Variants in TRDMT1 observed in about 807,000 individuals in gnomAD.
TRDMT1 encodes the protein tRNA aspartic acid methyltransferase 1.
In TRDMT1, 49 loss-of-function variants were observed where a neutral mutation model predicts 51.2. The ratio of observed to expected loss-of-function variants is 0.96; its 90% CI spans 0.76 to 1.21. The LOEUF is 1.21. TRDMT1 is among the 50% of genes most tolerant of loss of function. The pLI is 0.00. For missense variants in TRDMT1, 534 were observed against 462.3 expected (o/e 1.16, Z -1.42); for synonymous variants, 187 against 164.6 (o/e 1.14, Z -1.04).
Position 17,145,971 on chromosome 10 carries a change from G to C in TRDMT1, c.*3069C>G, listed in dbSNP as rs1588686392. On this transcript the variant is annotated 3_prime_UTR_variant, in exon 11 of 11. Transcript: ENST00000377799. Reference sequence around the variant, plus strand: ...CTAGACCTCAACTAGGTTGAGATGGGAGCAAAAACCCAGATGGTGATTTCT... The same window carrying C: ...CTAGACCTCAACTAGGTTGAGATGGCAGCAAAAACCCAGATGGTGATTTCT... The C allele has an allele frequency of 1.0e-6, 1 of 985,354 alleles. No individual in the cohort carries two copies. Among genetic ancestry groups the C allele is most frequent in the Non-Finnish European group, 1.2e-6 (1 of 829,936 alleles). 61.0% of individuals were successfully genotyped at this position (985,354 alleles called of 1,614,324 possible).
chr10:17,184,465 T>G (rs535438091), intron 1 of TRDMT1, among the ~76,000 whole-genome samples: 6 of 151,498 alleles, frequency 4.0e-5, no homozygotes, highest in Non-Finnish European at 7.4e-5. Context: ...AATAATTAAC[T>G]CACAAAGATC....
intron 2 of TRDMT1, among the ~76,000 whole-genome samples, chr10:17,171,111 A>ATATG (rs1841924026): frequency 7.0e-6 from 1 of 142,824 alleles, no homozygotes; most frequent in South Asian, 2.2e-4. Flanking sequence ...CTGGATTTAG[A>ATATG]TGTGTGTGTG....
chr10:17,140,250 G>A lies in TRDMT1; in HGVS notation c.*8790C>T, dbSNP rs912274495. ...TTTTTTGTACCTTTAGTAGAGATAG[G>A]GTTTTATCATGGCCAGGCTGGTCTT... On this transcript the variant is annotated 3_prime_UTR_variant, in exon 11 of 11. Transcript: ENST00000377799. 1.7e-4 allele frequency among the ~76,000 whole-genome samples: 25 copies of A among 148,836 alleles called. No homozygotes were observed. The highest frequency in any genetic ancestry group is 3.1e-4 in the Non-Finnish European group (21 of 67,296).
At chr10:17,153,728 C>G in intron 9 of TRDMT1, 92 bp from the exon 10 acceptor site, 3 of 1,346,318 alleles carry the variant, frequency 2.2e-6, no homozygotes, top group South Asian at 1.5e-5. Context: ...GATGGACATA[C>G]AGTCTGCTGT....
Position 17,159,215 on chromosome 10 carries a change from AT to A in TRDMT1, c.473del (p.Asn158IlefsTer26). On this transcript the variant is annotated frameshift_variant, in exon 7 of 11. Coordinates refer to ENST00000377799, the MANE Select transcript of TRDMT1 (RefSeq NM_004412.7). LOFTEE classifies it high-confidence loss of function. Reference sequence around the variant, plus strand: ...CAATAAGAAAATATCGTAGCCTTGAATTTGGAATGCCAAGCTGTAAGCAAAG... The same window carrying A: ...CAATAAGAAAATATCGTAGCCTTGAATTGGAATGCCAAGCTGTAAGCAAAG... ...LLSPTSLGIP[N>X]SRLRYFLIAK... is the part of the protein sequence containing the mutation. 6.2e-7 allele frequency: 1 copy of A among 1,602,278 alleles called. No individual in the cohort carries two copies. The highest frequency in any genetic ancestry group is 1.1e-5 in the South Asian group (1 of 89,290).
In TRDMT1 at chr10:17,145,272, C is replaced by CAAAAA. The variant is rs1307592170; in HGVS notation, c.*3767_*3768insTTTTT. On this transcript the variant is annotated 3_prime_UTR_variant, in exon 11 of 11. Transcript: ENST00000377799. Reference sequence around the variant, plus strand: ...AAAAACAAAACAAAACAAAACAAAACAAAACAAAAAAAACAGCAAAGGGAA... The same window carrying CAAAAA: ...AAAAACAAAACAAAACAAAACAAAACAAAAAAAAACAAAAAAAACAGCAAAGGGAA... The CAAAAA allele has an allele frequency of 2.1e-6, 2 of 951,436 alleles. No homozygotes were observed. Among genetic ancestry groups the CAAAAA allele is most frequent in the South Asian group, 5.1e-5 (1 of 19,504 alleles). 58.9% of individuals were successfully genotyped at this position (951,436 alleles called of 1,614,324 possible). A position where few individuals can be genotyped will look rare whatever the true frequency, so the allele number is the denominator to read the frequency against.
At position 17,157,512 on chromosome 10, in the gene TRDMT1, T is replaced by C. The variant is rs1208409460; in HGVS notation, c.816A>G (p.Ser272=). The C allele has an allele frequency of 1.2e-6, 2 of 1,614,024 alleles. No individual in the cohort carries two copies. The highest frequency in any genetic ancestry group is 1.3e-5 in the African/African-American group (1 of 75,040). Residue 272 remains serine (S), a synonymous_variant, in exon 8 of 11, where the codon TCA becomes TCG. Coordinates refer to ENST00000377799, the MANE Select transcript of TRDMT1 (RefSeq NM_004412.7). ...CTAACAGAAGAGCATATCGCAGCAA[T>C]GACTTTGGTGGTAAAAGATACTGGT... is the stretch of plus-strand genomic sequence containing the variant. ...DVNQYLLPPK[S]LLRYALLLDI...
chr10:17,201,598 C>T lies in TRDMT1; in HGVS notation c.37G>A (p.Val13Met), dbSNP rs935781185. Residue 13 changes from valine (V) to methionine (M), a missense_variant, in exon 1 of 11, where the codon GTG becomes ATG. Coordinates refer to ENST00000377799, the MANE Select transcript of TRDMT1 (RefSeq NM_004412.7). The part of the protein sequence containing the change: ...PLRVLELYSG[V>M]GGMHHALRES... ...CTCAGCGCGTGGTGCATGCCGCCCACGCCGCTGTATAGCTCCAGCACCCGC... is the reference window on the plus strand; with the variant it reads ...CTCAGCGCGTGGTGCATGCCGCCCATGCCGCTGTATAGCTCCAGCACCCGC... The T allele has an allele frequency of 3.2e-6, 5 of 1,548,984 alleles. No individual in the cohort carries two copies. Among genetic ancestry groups the T allele is most frequent in the Non-Finnish European group, 4.4e-6 (5 of 1,146,028 alleles).
chr10:17,152,564 G>A (rs1007300684), intron 10 of TRDMT1, among the ~76,000 whole-genome samples: 4 of 152,158 alleles, frequency 2.6e-5, no homozygotes, highest in Non-Finnish European at 1.5e-5. Context: ...GTCCTCAAAA[G>A]CACATTTCCT....
chr10:17,156,323 C>T (rs1839499660), intron 8 of TRDMT1, among the ~76,000 whole-genome samples: 1 of 151,880 alleles, frequency 6.6e-6, no homozygotes, highest in Non-Finnish European at 1.5e-5. Flanking sequence ...CAACCTCTGC[C>T]CCCCAGATTC....
chr10:17,188,031 T>A (rs181779169), intron 1 of TRDMT1, among the ~76,000 whole-genome samples: 2 of 151,408 alleles, frequency 1.3e-5, no homozygotes, highest in African/African-American at 4.8e-5. Flanking sequence ...AAAATTAAGT[T>A]CTACATTAGT....
rs140859120 is a variant in TRDMT1, at chr10:17,138,810, A to T, written c.*10230T>A. Among the ~76,000 whole-genome samples the T allele has an allele frequency of 2.6e-3, 394 of 152,254 alleles. 1 individual carries two copies. The highest frequency in any genetic ancestry group is 4.1e-3 in the Non-Finnish European group (279 of 68,012). The stretch of plus-strand genomic sequence containing the variant: ...CCTTCATAAACAATGAGAAAAAAAT[A>T]ACGAAATTCAAATCCAGAGGGACAA... On this transcript the variant is annotated 3_prime_UTR_variant, in exon 11 of 11. Transcript: ENST00000377799.
intron 3 of TRDMT1, among the ~76,000 whole-genome samples, chr10:17,164,481 T>C (rs991603042): frequency 7.2e-5 from 11 of 152,104 alleles, no homozygotes; most frequent in Non-Finnish European, 1.2e-4. Context: ...CCCTCTCTCA[T>C]CACTTCTATT....
At chr10:17,196,202 TA>T (rs1845408477) in intron 1 of TRDMT1, among the ~76,000 whole-genome samples, 1 of 152,234 alleles carries the variant, frequency 6.6e-6, no homozygotes, top group African/African-American at 2.4e-5. Context: ...AAGAAAATAT[TA>T]AGGCTGAGTA....
chr10:17,187,798 C>T (rs1392760734), intron 1 of TRDMT1, among the ~76,000 whole-genome samples: 3 of 152,100 alleles, frequency 2.0e-5, no homozygotes, highest in African/African-American at 2.4e-5. Context: ...AACACAAATA[C>T]ATTACACACA....
Position 17,201,589 on chromosome 10 carries a change from TGCCGCCCACGCC to T in TRDMT1, c.34_45del (p.Gly12_Gly15del), listed in dbSNP as rs1846192835. 1 of 1,549,256 alleles carries T rather than the reference TGCCGCCCACGCC, an allele frequency of 6.5e-7. No individual in the cohort carries two copies. The highest frequency in any genetic ancestry group is 1.4e-5 in the African/African-American group (1 of 72,942). ...CTCTCACCTCTCAGCGCGTGGTGCA[TGCCGCCCACGCC>T]GCTGTATAGCTCCAGCACCCGCAGG... is the stretch of plus-strand genomic sequence containing the variant. On this transcript the variant is annotated inframe_deletion, in exon 1 of 11. Coordinates refer to ENST00000377799, the MANE Select transcript of TRDMT1 (RefSeq NM_004412.7).
Position 17,148,519 on chromosome 10 carries a change from G to C in TRDMT1, c.*521C>G. ...TTCCTGACATATTCTTCAGTCTGCT[G>C]TATAAACTGAATGATGATAATTTGG... On this transcript the variant is annotated 3_prime_UTR_variant, in exon 11 of 11. Transcript: ENST00000377799. 1.0e-6 allele frequency: 1 copy of C among 985,226 alleles called. No homozygotes were observed. The highest frequency in any genetic ancestry group is 1.2e-6 in the Non-Finnish European group (1 of 829,818). The allele number at this position is 985,226 out of a possible 1,614,324, so 61.0% of individuals were successfully genotyped here.
At chr10:17,162,598 T>C (rs1159732238) in intron 3 of TRDMT1, among the ~76,000 whole-genome samples, 1 of 151,734 alleles carries the variant, frequency 6.6e-6, no homozygotes, top group Non-Finnish European at 1.5e-5. Context: ...ATCCCAGCAC[T>C]TCGGAAGGCT....
intron 5 of TRDMT1, 58 bp downstream of exon 5, chr10:17,161,425 T>G: frequency 2.5e-6 from 3 of 1,216,466 alleles, no homozygotes; most frequent in Non-Finnish European, 3.2e-6. Flanking sequence ...TTCACAACAG[T>G]TCCTACTATA....
Sources: allele counts gnomAD v4.1 joint callset (sites outside exome capture counted in the v4.1 genomes callset), GRCh38; gene constraint gnomAD v4.1.1; transcripts MANE v1.5; gene names NCBI Gene and HGNC (gene_info 2026-07-23, HGNC 2026-07-21).